Variants in NKAIN1 observed in about 807,000 individuals in gnomAD.
The protein encoded by NKAIN1 is sodium/potassium-transporting ATPase subunit beta-1-interacting protein 1.
A neutral mutation model predicts 31.6 loss-of-function variants in NKAIN1; 13 were observed. That is an observed-to-expected ratio of 0.41 (90% confidence interval 0.27 to 0.65). The LOEUF (loss-of-function observed/expected upper bound fraction) is 0.65. NKAIN1 is among the 30% of genes least tolerant of loss of function. The pLI, the probability that NKAIN1 is intolerant of heterozygous loss-of-function variation, is 0.30. For synonymous variants in NKAIN1, 104 were observed against 109.0 expected (o/e 0.95, Z 0.28); for missense variants, 193 against 262.2 (o/e 0.74, Z 1.82).
chr1:31,218,304 C>T (rs949581244), intron 1 of NKAIN1, among the ~76,000 whole-genome samples: 1 of 152,002 alleles, frequency 6.6e-6, no homozygotes, highest in African/African-American at 2.4e-5. Flanking sequence ...CCTCATGATC[C>T]TCCCGCCTCA....
At chr1:31,187,473 G>T (rs546062769) in intron 2 of NKAIN1, among the ~76,000 whole-genome samples, 8 of 152,210 alleles carry the variant, frequency 5.3e-5, no homozygotes, top group African/African-American at 1.4e-4. Flanking sequence ...ACACATCCTT[G>T]ATGTACATCG....
chr1:31,217,535 C>A (rs1645522724), intron 1 of NKAIN1, among the ~76,000 whole-genome samples: 1 of 152,222 alleles, frequency 6.6e-6, no homozygotes, highest in South Asian at 2.1e-4. Flanking sequence ...CCTACCAACC[C>A]CCACCCGGAA....
chr1:31,205,683 T>C (rs1352102445), intron 1 of NKAIN1, among the ~76,000 whole-genome samples: 1 of 138,728 alleles, frequency 7.2e-6, no homozygotes, highest in African/African-American at 2.7e-5. Flanking sequence ...AGTGGCACGA[T>C]CTCGGCTCGG....
intron 1 of NKAIN1, among the ~76,000 whole-genome samples, chr1:31,237,017 C>G (rs926499027): frequency 7.2e-5 from 11 of 152,110 alleles, no homozygotes; most frequent in African/African-American, 2.4e-4. Flanking sequence ...ACTTGGGAGG[C>G]TGAAGTGGGA....
intron 1 of NKAIN1, among the ~76,000 whole-genome samples, chr1:31,196,454 A>G (rs1268316266): frequency 6.9e-6 from 1 of 145,376 alleles, no homozygotes; most frequent in Non-Finnish European, 1.5e-5. Context: ...CGGAGCCTGC[A>G]GTGAGCTGAG....
intron 1 of NKAIN1, among the ~76,000 whole-genome samples, chr1:31,188,945 G>A (rs111937428): frequency 0.037 from 5,630 of 151,800 alleles, 183 homozygotes; most frequent in African/African-American, 0.087. Context: ...CCCAGCAGGC[G>A]GAGGTTGCAG....
At position 31,239,427 on chromosome 1, in the gene NKAIN1, G is replaced by A; in HGVS notation, c.54+67C>T. ...CACAGAGACACACGCAACCCCACCC[G>A]CACGCCCTGGGACCGCGCCCCGCCG... On this transcript the variant is annotated intron_variant, in intron 1 of 6. Coordinates refer to ENST00000373736, the MANE Select transcript of NKAIN1 (RefSeq NM_024522.3). The surrounding 1 kb of genome is among the most constrained non-coding windows in gnomAD (Gnocchi z 4.8). 9 of 1,248,856 alleles carry A rather than the reference G, an allele frequency of 7.2e-6. No individual in the cohort carries two copies. The highest frequency in any genetic ancestry group is 3.5e-5 in the Admixed American group (1 of 28,932). 77.4% of individuals were successfully genotyped at this position (1,248,856 alleles called of 1,614,324 possible).
rs970883036 is a variant in NKAIN1, at chr1:31,183,974, C to T, written c.314G>A (p.Arg105His). 15 of 1,613,854 alleles carry T rather than the reference C, an allele frequency of 9.3e-6. No homozygotes were observed. The highest frequency in any genetic ancestry group is 1.1e-5 in the Non-Finnish European group (13 of 1,180,008). Residue 105 changes from arginine (R) to histidine (H), a missense_variant, in exon 4 of 7, where the codon CGC becomes CAC. Physicochemically the swap from Arg to His is conservative, Grantham distance 29. Transcript: ENST00000373736. Reference protein sequence around the residue: ...FIMTFNTSLHRSWWMENGPGC... With the variant: ...FIMTFNTSLHHSWWMENGPGC... ...TGGCCCATTCTCCATCCACCAGGAG[C>T]GGTGCAGGGATGTGTTGAAGGTCAT...
At chr1:31,231,781 T>G (rs538774020) in intron 1 of NKAIN1, among the ~76,000 whole-genome samples, 6 of 152,270 alleles carry the variant, frequency 3.9e-5, no homozygotes, top group Non-Finnish European at 5.9e-5. Flanking sequence ...CCGCCCGCCT[T>G]GGCCTCCCAA....
intron 1 of NKAIN1, among the ~76,000 whole-genome samples, chr1:31,230,965 C>T (rs1025689801): frequency 8.7e-5 from 13 of 148,728 alleles, no homozygotes; most frequent in Non-Finnish European, 1.0e-4. Context: ...TCACTGCAAC[C>T]TCCGCCTCCC....
intron 1 of NKAIN1, among the ~76,000 whole-genome samples, chr1:31,229,524 C>T (rs1351152592): frequency 1.3e-5 from 2 of 152,134 alleles, no homozygotes; most frequent in Non-Finnish European, 2.9e-5. Context: ...TGCATGCTAC[C>T]ATGCCCAGCT....
intron 1 of NKAIN1, among the ~76,000 whole-genome samples, chr1:31,225,273 G>A (rs143829518): frequency 4.1e-5 from 6 of 146,068 alleles, no homozygotes; most frequent in Non-Finnish European, 8.9e-5. Flanking sequence ...TGATCTGCCC[G>A]CCTCAGCCTC....
chr1:31,226,543 AGACGGAGTC>A (rs1398111628), intron 1 of NKAIN1, among the ~76,000 whole-genome samples: 1 of 125,222 alleles, frequency 8.0e-6, no homozygotes, highest in Non-Finnish European at 1.6e-5. Context: ...TTTTTTTTTG[AGACGGAGTC>A]TCACTGTCAC....
chr1:31,200,578 C>T (rs1645373011), intron 1 of NKAIN1, among the ~76,000 whole-genome samples: 1 of 151,510 alleles, frequency 6.6e-6, no homozygotes, highest in Non-Finnish European at 1.5e-5. Flanking sequence ...CCACCTCAGC[C>T]TCCTGAGTAG....
chr1:31,232,428 G>T (rs866560656), intron 1 of NKAIN1, among the ~76,000 whole-genome samples: 2,760 of 12,142 alleles, frequency 0.23, 24 homozygotes, highest in Middle Eastern at 0.36. Context: ...TATATATAGA[G>T]AGAGAGAGAG....
intron 2 of NKAIN1, 92 bp downstream of exon 2, chr1:31,187,958 G>A: frequency 7.5e-7 from 1 of 1,335,600 alleles, no homozygotes; most frequent in Admixed American, 2.4e-5. Context: ...CCCAGTGTTG[G>A]GGGGCAGTTC....
chr1:31,202,086 C>T (rs1645384511), intron 1 of NKAIN1, among the ~76,000 whole-genome samples: 1 of 152,178 alleles, frequency 6.6e-6, no homozygotes, highest in South Asian at 2.1e-4. Context: ...GCCCAGGATG[C>T]GACTGATTGG....
intron 1 of NKAIN1, among the ~76,000 whole-genome samples, chr1:31,215,230 T>C (rs1166396462): frequency 6.6e-6 from 1 of 152,218 alleles, no homozygotes; most frequent in African/African-American, 2.4e-5. Context: ...TGGGGAAGTC[T>C]GCCTAGCAAC....
intron 1 of NKAIN1, among the ~76,000 whole-genome samples, chr1:31,227,455 G>T (rs915625559): frequency 6.6e-6 from 1 of 152,204 alleles, no homozygotes; most frequent in African/African-American, 2.4e-5. Flanking sequence ...GTGAAATAGA[G>T]GTAGTAGCTG....
Sources: allele counts gnomAD v4.1 joint callset (sites outside exome capture counted in the v4.1 genomes callset), GRCh38; gene constraint gnomAD v4.1.1; non-coding constraint Gnocchi (gnomAD v3.1); transcripts MANE v1.5; gene names NCBI Gene and HGNC (gene_info 2026-07-23, HGNC 2026-07-21).